Variants in NDUFA13 observed in about 807,000 individuals in gnomAD.
NDUFA13 encodes NADH:ubiquinone oxidoreductase subunit A13, also known as NADH dehydrogenase [ubiquinone] 1 alpha subcomplex subunit 13.
A neutral mutation model predicts 17.0 loss-of-function variants in NDUFA13; 16 were observed. The ratio of observed to expected loss-of-function variants is 0.94; its 90% CI spans 0.64 to 1.43. The LOEUF (loss-of-function observed/expected upper bound fraction) is 1.43, where lower values mean the gene tolerates loss of function less well. Among genes scored for constraint, NDUFA13 ranks in the 40% most tolerant of loss-of-function variants. The pLI is 0.00. For missense variants in NDUFA13, 228 were observed against 206.7 expected, an observed-to-expected ratio of 1.10 and a Z score of -0.63; for synonymous variants, 87 against 78.4, an observed-to-expected ratio of 1.11 and a Z score of -0.58.
chr19:19,527,390 C>T (rs781167421), intron 3 of NDUFA13, 38 bp downstream of exon 3: 47 of 1,610,008 alleles, frequency 2.9e-5, no homozygotes, highest in Non-Finnish European at 3.5e-5. Context: ...GGTCACTGGC[C>T]GGAAGGCCCC....
chr19:19,527,956 A>G (rs895308171), intron 4 of NDUFA13, 51 bp from the exon 5 acceptor site: 2 of 1,602,418 alleles, frequency 1.2e-6, no homozygotes, highest in African/African-American at 2.7e-5. Flanking sequence ...GGGTCCTAGC[A>G]GGCTGTATAT....
At chr19:19,522,639 C>T (rs371443701) in intron 1 of NDUFA13, among the ~76,000 whole-genome samples, 35 of 151,950 alleles carry the variant, frequency 2.3e-4, no homozygotes, top group African/African-American at 7.7e-4. Flanking sequence ...CCACCACGCC[C>T]GGCTAATTTT....
chr19:19,522,173 C>T lies in NDUFA13; in HGVS notation c.95-4009C>T, dbSNP rs183792850. ...TACAAAAATTAGCTGGGCGCGGTGG[C>T]GGGCACCTGTAGTCCCAGCTACTCA... On this transcript the variant is annotated intron_variant, in intron 1 of 4. Coordinates refer to ENST00000507754, the MANE Select transcript of NDUFA13 (RefSeq NM_015965.7). Among the ~76,000 whole-genome samples, 226 of 151,700 alleles carry T rather than the reference C, an allele frequency of 1.5e-3. 2 individuals are homozygous for T. The highest frequency in any genetic ancestry group is 5.3e-3 in the African/African-American group (221 of 41,422).
At chr19:19,527,171 C>A (rs1291093505) in intron 2 of NDUFA13, 110 bp from the exon 3 acceptor site, 15 of 1,121,184 alleles carry the variant, frequency 1.3e-5, no homozygotes, top group Middle Eastern at 2.2e-4. Flanking sequence ...TGCCTCCCCG[C>A]CCCCCTCCGC....
chr19:19,525,419 G>T (rs2061095592), intron 1 of NDUFA13, among the ~76,000 whole-genome samples: 2 of 152,258 alleles, frequency 1.3e-5, no homozygotes, highest in Non-Finnish European at 2.9e-5. Flanking sequence ...TGCCCTGGAG[G>T]CCTGGAGATG....
chr19:19,525,006 C>A (rs1443146305), intron 1 of NDUFA13, among the ~76,000 whole-genome samples: 1 of 152,052 alleles, frequency 6.6e-6, no homozygotes, highest in African/African-American at 2.4e-5. Context: ...CCCTGCACTC[C>A]AGCCTGGGTA....
chr19:19,518,834 C>T (rs1010277744), intron 1 of NDUFA13, among the ~76,000 whole-genome samples: 16 of 148,686 alleles, frequency 1.1e-4, no homozygotes, highest in Non-Finnish European at 1.5e-5. Flanking sequence ...CCTCTGCCTC[C>T]CAGGTTTAAG....
At chr19:19,518,990 C>T (rs548966903) in intron 1 of NDUFA13, among the ~76,000 whole-genome samples, 2 of 150,864 alleles carry the variant, frequency 1.3e-5, no homozygotes, top group South Asian at 2.1e-4. Context: ...ATGATCTGCC[C>T]GCCTTGGTCT....
intron 1 of NDUFA13, among the ~76,000 whole-genome samples, chr19:19,518,190 A>G (rs566342618): frequency 2.0e-5 from 3 of 150,524 alleles, no homozygotes; most frequent in East Asian, 2.0e-4. Context: ...ACATTGGAGG[A>G]ATATAATGCA....
chr19:19,521,596 GT>G, intron 1 of NDUFA13, among the ~76,000 whole-genome samples: 1 of 152,052 alleles, frequency 6.6e-6, no homozygotes, highest in Admixed American at 6.5e-5. Context: ...AGGGTTTTTT[GT>G]TTGTTTGTTC....
chr19:19,524,519 G>A (rs139433004), intron 1 of NDUFA13, among the ~76,000 whole-genome samples: 3 of 152,260 alleles, frequency 2.0e-5, no homozygotes, highest in East Asian at 1.9e-4. Context: ...CTCTGTAGCC[G>A]TGGAAAATAA....
chr19:19,518,604 C>A (rs2061061307), intron 1 of NDUFA13, among the ~76,000 whole-genome samples: 1 of 151,148 alleles, frequency 6.6e-6, no homozygotes. Context: ...TGCTCTGTCA[C>A]CCAGGCTGGA....
intron 1 of NDUFA13, among the ~76,000 whole-genome samples, chr19:19,520,761 C>G (rs2061073356): frequency 6.6e-6 from 1 of 152,208 alleles, no homozygotes; most frequent in Admixed American, 6.5e-5. Context: ...CCCGTCTTCC[C>G]TATTAGCAAT....
intron 1 of NDUFA13, among the ~76,000 whole-genome samples, chr19:19,521,235 G>A (rs958297207): frequency 2.0e-5 from 3 of 152,002 alleles, no homozygotes; most frequent in East Asian, 1.9e-4. Context: ...CCATCCTAGC[G>A]CATGTGAAGC....
intron 1 of NDUFA13, among the ~76,000 whole-genome samples, chr19:19,520,609 A>G (rs556208780): frequency 3.3e-5 from 5 of 152,216 alleles, no homozygotes; most frequent in African/African-American, 1.2e-4. Flanking sequence ...CAGCCTGGGC[A>G]ACAGAGTAAG....
intron 1 of NDUFA13, among the ~76,000 whole-genome samples, chr19:19,517,593 A>G (rs2061055996): frequency 1.3e-5 from 2 of 152,356 alleles, no homozygotes; most frequent in South Asian, 4.1e-4. Flanking sequence ...ACACACACAC[A>G]AAAATGAGCA....
chr19:19,521,377 AT>A (rs1412218179), intron 1 of NDUFA13, among the ~76,000 whole-genome samples: 1 of 152,158 alleles, frequency 6.6e-6, no homozygotes, highest in African/African-American at 2.4e-5. Flanking sequence ...GTGTTTTATT[AT>A]TTTTATTTTT....
Position 19,527,882 on chromosome 19 carries a change from G to A in NDUFA13, c.315+112G>A. 3 of 1,475,368 alleles carry A rather than the reference G, an allele frequency of 2.0e-6. No individual in the cohort carries two copies. The South Asian group carries it at 3.6e-5, about 18-fold the overall frequency. 91.4% of individuals were successfully genotyped at this position (1,475,368 alleles called of 1,614,324 possible). ...CCCCAGGACCAAGGGGGTGGTGGGT[G>A]CCAGGTCCCACAAGGGAAGGCTGTA... On this transcript the variant is annotated intron_variant, in intron 4 of 4. Coordinates refer to ENST00000507754, the MANE Select transcript of NDUFA13 (RefSeq NM_015965.7).
intron 1 of NDUFA13, among the ~76,000 whole-genome samples, chr19:19,518,395 C>T (rs570430427): frequency 5.2e-4 from 79 of 151,706 alleles, no homozygotes; most frequent in Non-Finnish European, 7.7e-4. Flanking sequence ...CCACCACATC[C>T]GGCTAATTTT....
Sources: gnomAD v4.1 joint callset for allele counts (sites outside exome capture counted in the v4.1 genomes callset) on GRCh38, gnomAD v4.1.1 for gene constraint, MANE v1.5 for transcripts, NCBI Gene and HGNC (gene_info 2026-07-23, HGNC 2026-07-21) for gene names.